Variants in ASTN2 observed in about 807,000 individuals in gnomAD.
ASTN2 encodes the protein astrotactin-2.
A neutral mutation model predicts 139.8 loss-of-function variants in ASTN2; 54 were observed. That is an observed-to-expected ratio of 0.39 (90% CI 0.31 to 0.48). ASTN2 has a LOEUF of 0.48. Among genes scored for constraint, ASTN2 ranks in the 20% least tolerant of loss-of-function variants. ASTN2 has a pLI of 0.95. For synonymous variants in ASTN2, 756 were observed against 719.5 expected, an observed-to-expected ratio of 1.05 and a Z score of -0.81; for missense variants, 1,565 against 1,725.1, an observed-to-expected ratio of 0.91 and a Z score of 1.64.
chr9:116,851,053 T>C (rs1439043950), intron 11 of ASTN2, among the ~76,000 whole-genome samples: 1 of 152,230 alleles, frequency 6.6e-6, no homozygotes, highest in Non-Finnish European at 1.5e-5. Context: ...TACTTAGTTG[T>C]TGAGCTCTGA....
At chr9:117,320,198 C>T (rs1292821945) in intron 1 of ASTN2, among the ~76,000 whole-genome samples, 1 of 152,122 alleles carries the variant, frequency 6.6e-6, no homozygotes, top group Admixed American at 6.6e-5. Context: ...GACTGGGATG[C>T]TCACCGAAAT....
intron 2 of ASTN2, chr9:117,276,995 G>C (rs1034666922): frequency 6.6e-6 from 1 of 152,200 alleles, no homozygotes. Flanking sequence ...GGACATGAGG[G>C]CGATCTGGCT....
chr9:117,033,774 C>T (rs779321726), intron 6 of ASTN2, among the ~76,000 whole-genome samples: 1 of 152,050 alleles, frequency 6.6e-6, no homozygotes, highest in African/African-American at 2.4e-5. Context: ...GTGTTAATCT[C>T]GTAAAACCAC....
intron 16 of ASTN2, among the ~76,000 whole-genome samples, chr9:116,703,785 A>G (rs1827917160): frequency 6.6e-6 from 1 of 151,842 alleles, no homozygotes; most frequent in African/African-American, 2.4e-5. Flanking sequence ...TGGAAGGGAG[A>G]ACCTAGTATG....
chr9:116,484,976 C>T (rs887174652), intron 20 of ASTN2, among the ~76,000 whole-genome samples: 3 of 152,148 alleles, frequency 2.0e-5, no homozygotes, highest in Non-Finnish European at 2.9e-5. Context: ...GCCCCTACAG[C>T]GTCACCCAGA....
At chr9:116,457,076 A>T (rs573070360) in intron 20 of ASTN2, among the ~76,000 whole-genome samples, 6 of 152,328 alleles carry the variant, frequency 3.9e-5, no homozygotes, top group African/African-American at 1.4e-4. Context: ...ATTTTCAACA[A>T]AGGTGCCAAG....
intron 19 of ASTN2, among the ~76,000 whole-genome samples, chr9:116,491,976 A>G (rs902941028): frequency 2.0e-5 from 3 of 152,224 alleles, no homozygotes; most frequent in African/African-American, 7.2e-5. Flanking sequence ...AATGAGGAGA[A>G]TAATAGTATC....
intron 1 of ASTN2, among the ~76,000 whole-genome samples, chr9:117,326,936 T>C (rs1464191816): frequency 1.3e-5 from 2 of 152,162 alleles, no homozygotes; most frequent in African/African-American, 4.8e-5. Flanking sequence ...CTCAAGGACG[T>C]AGAGCAATGG....
chr9:116,994,787 C>T (rs1313764671), intron 7 of ASTN2, among the ~76,000 whole-genome samples: 2 of 152,182 alleles, frequency 1.3e-5, no homozygotes, highest in Non-Finnish European at 2.9e-5. Context: ...GAAGCCTTCC[C>T]TGATTGCTAA....
At position 117,008,245 on chromosome 9, in the gene ASTN2, C is replaced by T; in HGVS notation, c.1438G>A (p.Val480Met). 6.2e-7 allele frequency: 1 copy of T among 1,601,776 alleles called. No homozygotes were observed. Among genetic ancestry groups the T allele is most frequent in the Non-Finnish European group, 8.5e-7 (1 of 1,174,312 alleles). ...HFIADGSSFV[V>M]SEGSYLDISD... ...ATGTCCAGGTAGCTCCCTTCACTCA[C>T]CACGAAGCTGCTTCCTATGGGTGAA... is the stretch of plus-strand genomic sequence containing the variant. Residue 480 changes from valine (V) to methionine (M), a missense_variant, in exon 7 of 23, where the codon GTG becomes ATG. Transcript: ENST00000313400.
chr9:116,831,191 A>G (rs1195176369), intron 11 of ASTN2, among the ~76,000 whole-genome samples: 1 of 152,128 alleles, frequency 6.6e-6, no homozygotes, highest in Non-Finnish European at 1.5e-5. Context: ...GGAGACTACA[A>G]AAGGTGGGAG....
chr9:117,410,304 G>A (rs1261261512), intron 1 of ASTN2, among the ~76,000 whole-genome samples: 2 of 152,152 alleles, frequency 1.3e-5, no homozygotes, highest in Non-Finnish European at 1.5e-5. Context: ...GGAGGTAAGT[G>A]AGGACTGAAT....
Position 117,243,035 on chromosome 9 carries a change from C to T in ASTN2, c.631-28293G>A, listed in dbSNP as rs151203538. On this transcript the variant is annotated intron_variant, in intron 2 of 22. Transcript: ENST00000313400. ...TTGTTGTAATTTATTAAGAGTCTTC[C>T]ATTTTTCAGGCACTTTGCATTTGCA... Among the ~76,000 whole-genome samples, 1,338 of 152,296 alleles carry T rather than the reference C, an allele frequency of 8.8e-3. 28 individuals are homozygous for T. Among genetic ancestry groups the T allele is most frequent in the African/African-American group, 0.031 (1,290 of 41,550 alleles).
At chr9:116,803,508 ATATATATATATATATTTTTTT>A (rs1431930267) in intron 13 of ASTN2, among the ~76,000 whole-genome samples, 8 of 7,082 alleles carry the variant, frequency 1.1e-3, no homozygotes, top group East Asian at 0.01. Context: ...ATATATATAT[ATATATATATATATATTTTTTT>A]TTTTTTTTTT....
chr9:116,514,341 G>C (rs911525223), intron 19 of ASTN2, among the ~76,000 whole-genome samples: 2 of 150,436 alleles, frequency 1.3e-5, no homozygotes, highest in Non-Finnish European at 3.0e-5. Flanking sequence ...CAAATGTTGC[G>C]GCCTGATCGT....
intron 19 of ASTN2, chr9:116,585,060 T>C (rs1854093058): frequency 6.6e-6 from 1 of 152,186 alleles, no homozygotes; most frequent in South Asian, 2.1e-4. Flanking sequence ...TTGAGTAGTT[T>C]TGATCTAGAC....
chr9:116,553,678 G>T (rs1051826298), intron 19 of ASTN2, among the ~76,000 whole-genome samples: 4 of 152,084 alleles, frequency 2.6e-5, no homozygotes, highest in Admixed American at 2.6e-4. Context: ...ACTTCAGCTG[G>T]GCCTCCACTT....
At chr9:116,632,256 A>AAGGAAGGAAGGAAG (rs1564169372) in intron 17 of ASTN2, among the ~76,000 whole-genome samples, 12 of 103,140 alleles carry the variant, frequency 1.2e-4, no homozygotes, top group African/African-American at 5.0e-4. Flanking sequence ...AAAGAAGGAA[A>AAGGAAGGAAGGAAG]GAAAGAAAGA....
chr9:116,773,858 G>A (rs1232537740), intron 13 of ASTN2, among the ~76,000 whole-genome samples: 2 of 152,108 alleles, frequency 1.3e-5, no homozygotes, highest in Non-Finnish European at 2.9e-5. Flanking sequence ...ATTTAGCCTA[G>A]ATTGGACCAC....
Sources: gnomAD v4.1 joint callset for allele counts (sites outside exome capture counted in the v4.1 genomes callset) on GRCh38, gnomAD v4.1.1 for gene constraint, MANE v1.5 for transcripts, NCBI Gene and HGNC (gene_info 2026-07-23, HGNC 2026-07-21) for gene names.